Variants in UGP2 observed in about 807,000 individuals in gnomAD.
UGP2 encodes the protein UTP--glucose-1-phosphate uridylyltransferase.
UGP2 carries 40 observed loss-of-function variants against 49.0 expected under a neutral mutation model. That is an observed-to-expected ratio of 0.82 (90% CI 0.63 to 1.06). The LOEUF is 1.06. Ranked by LOEUF, UGP2 falls within the 50% of genes least tolerant of loss-of-function variation. The probability of loss-of-function intolerance (pLI) is 0.00; values close to 1 mark genes in which losing one functional copy is unlikely to be tolerated. For missense variants in UGP2, 460 were observed against 603.5 expected, an observed-to-expected ratio of 0.76 and a Z score of 2.49; for synonymous variants, 225 against 213.0, an observed-to-expected ratio of 1.06 and a Z score of -0.49.
intron 1 of UGP2, among the ~76,000 whole-genome samples, chr2:63,846,348 G>C (rs1372546686): frequency 1.3e-5 from 2 of 152,136 alleles, no homozygotes; most frequent in Middle Eastern, 3.2e-3. Context: ...CACTCTAAAT[G>C]TTTTGAAACT....
rs146199817 is a variant in UGP2 at position 63,845,891 on chromosome 2, A to G, written c.19+3687A>G. ...TCAAGCATATTGACCGTAAACTATT[A>G]GGTGGAAATGTTCAATTAATAAAAA... is the stretch of plus-strand genomic sequence containing the variant. On this transcript the variant is annotated intron_variant, in intron 1 of 9. Transcript: ENST00000337130. Among the ~76,000 whole-genome samples the G allele has an allele frequency of 3.7e-4, 56 of 152,328 alleles. 1 individual carries two copies. The highest frequency in any genetic ancestry group is 1.3e-3 in the African/African-American group (56 of 41,576).
At chr2:63,877,338 A>T (rs138272111) in intron 3 of UGP2, among the ~76,000 whole-genome samples, 170 of 152,378 alleles carry the variant, frequency 1.1e-3, no homozygotes, top group African/African-American at 4.0e-3. Flanking sequence ...TAACTGACTG[A>T]AGTGAAGCTC....
intron 9 of UGP2, among the ~76,000 whole-genome samples, 192 bp downstream of exon 9, chr2:63,890,377 T>C (rs374783873): frequency 1.3e-5 from 2 of 152,154 alleles, no homozygotes; most frequent in Admixed American, 6.6e-5. Context: ...CTAAAGATGA[T>C]TGAGTAAAAG....
At position 63,857,786 on chromosome 2, in the gene UGP2, T is replaced by A. The variant is rs753796881; in HGVS notation, c.148-43T>A. On this transcript the variant is annotated intron_variant, in intron 2 of 9. Coordinates refer to ENST00000337130, the MANE Select transcript of UGP2 (RefSeq NM_006759.4). ...TCTGTCTTTATGTTTTTATTAAATA[T>A]TAAGCATTCTGCTGGTTGTAACAAT... is the stretch of plus-strand genomic sequence containing the variant. 3.9e-6 allele frequency: 6 copies of A among 1,522,344 alleles called. No individual in the cohort carries two copies. In the South Asian group the frequency reaches 7.0e-5, roughly 18 times the overall value. The allele number at this position is 1,522,344 out of a possible 1,614,324, so 94.3% of individuals were successfully genotyped here.
chr2:63,869,573 G>A lies in UGP2; in HGVS notation c.255+11637G>A, dbSNP rs115534268. Among the ~76,000 whole-genome samples, 1,067 of 152,326 alleles carry A rather than the reference G, an allele frequency of 7.0e-3. 13 individuals carry two copies. Among genetic ancestry groups the A allele is most frequent in the African/African-American group, 0.021 (875 of 41,570 alleles). On this transcript the variant is annotated intron_variant, in intron 3 of 9. Transcript: ENST00000337130. Reference sequence around the variant, plus strand: ...CAAGTTTGGCTTCCTAGAGAGGACAGCGCAAAATTTAGGCTGAAAATGAGT... The same window carrying A: ...CAAGTTTGGCTTCCTAGAGAGGACAACGCAAAATTTAGGCTGAAAATGAGT...
At chr2:63,857,352 G>GTGTT (rs771945242) in intron 2 of UGP2, among the ~76,000 whole-genome samples, 2 of 151,764 alleles carry the variant, frequency 1.3e-5, no homozygotes, top group South Asian at 2.1e-4. Context: ...TAAACAAATG[G>GTGTT]TGTTTGTTTG....
At chr2:63,874,279 C>A (rs1335616545) in intron 3 of UGP2, among the ~76,000 whole-genome samples, 2 of 152,016 alleles carry the variant, frequency 1.3e-5, no homozygotes, top group African/African-American at 4.8e-5. Context: ...TGCTCAAATT[C>A]TTTTTTAAAA....
intron 7 of UGP2, 21 bp downstream of exon 7, chr2:63,886,559 A>C: frequency 6.2e-7 from 1 of 1,613,026 alleles, no homozygotes; most frequent in Non-Finnish European, 8.5e-7. Flanking sequence ...GTTGTGGCCC[A>C]TTGAGCTTCC....
chr2:63,842,023 C>G lies in UGP2; in HGVS notation c.-163C>G. 1.3e-6 allele frequency: 1 copy of G among 760,848 alleles called. No individual in the cohort carries two copies. Among genetic ancestry groups the G allele is most frequent in the Non-Finnish European group, 1.9e-6 (1 of 529,998 alleles). 47.1% of individuals were successfully genotyped at this position (760,848 alleles called of 1,614,324 possible). On this transcript the variant is annotated 5_prime_UTR_variant, in exon 1 of 10. Transcript: ENST00000337130. Reference sequence around the variant, plus strand: ...TTTCTTTCTTTTCTTTTTTCTTGAGCCAGTTTTAATCGCTTTGAATAAATA... The same window carrying G: ...TTTCTTTCTTTTCTTTTTTCTTGAGGCAGTTTTAATCGCTTTGAATAAATA...
chr2:63,867,629 G>A (rs1670268538), intron 3 of UGP2, among the ~76,000 whole-genome samples: 1 of 151,964 alleles, frequency 6.6e-6, no homozygotes, highest in Non-Finnish European at 1.5e-5. Flanking sequence ...AAAATTCTGT[G>A]ACTTTCATAT....
intron 3 of UGP2, among the ~76,000 whole-genome samples, chr2:63,872,732 A>T (rs1281716205): frequency 6.6e-6 from 1 of 151,568 alleles, no homozygotes; most frequent in African/African-American, 2.4e-5. Context: ...TCCCTTTAGC[A>T]TGTCCTTGGA....
chr2:63,888,276 G>GTACAGTACA (rs1400946990), intron 8 of UGP2: 1 of 152,870 alleles, frequency 6.5e-6, no homozygotes, highest in Admixed American at 6.5e-5. Context: ...GGAATAGCAA[G>GTACAGTACA]TACAGTACAT....
At chr2:63,885,188 AC>A (rs946947335) in intron 5 of UGP2, among the ~76,000 whole-genome samples, 4 of 151,530 alleles carry the variant, frequency 2.6e-5, no homozygotes, top group Admixed American at 2.0e-4. Flanking sequence ...AAAGAGATCC[AC>A]CCCTGAATAT....
At chr2:63,884,474 T>C (rs1162698165) in intron 5 of UGP2, among the ~76,000 whole-genome samples, 7 of 152,198 alleles carry the variant, frequency 4.6e-5, no homozygotes, top group Non-Finnish European at 5.9e-5. Flanking sequence ...CTTGGGGTAA[T>C]TTAATAAATT....
chr2:63,886,316 C>T (rs929782690), intron 6 of UGP2, 25 bp from the exon 7 acceptor site: 29 of 1,609,984 alleles, frequency 1.8e-5, no homozygotes, highest in Non-Finnish European at 2.5e-5. Context: ...GATGTGGAGG[C>T]ACTCACTATT....
chr2:63,886,609 C>T, intron 7 of UGP2, 71 bp downstream of exon 7: 1 of 1,525,398 alleles, frequency 6.6e-7, no homozygotes, highest in South Asian at 1.2e-5. Context: ...CAGACCCCAT[C>T]GCCCACTCCC....
chr2:63,855,753 C>A (rs1260666945), intron 1 of UGP2: 7 of 374,902 alleles, frequency 1.9e-5, no homozygotes, highest in Non-Finnish European at 3.2e-5. Flanking sequence ...TGTTGCCCAG[C>A]CTGGTCTCAA....
In UGP2 at chr2:63,859,396, G is replaced by A. The variant is rs77063644; in HGVS notation, c.255+1460G>A. 5.8e-3 allele frequency among the ~76,000 whole-genome samples: 879 copies of A among 152,170 alleles called. 13 individuals are homozygous for A. The highest frequency in any genetic ancestry group is 0.02 in the African/African-American group (822 of 41,496). On this transcript the variant is annotated intron_variant, in intron 3 of 9. Coordinates refer to ENST00000337130, the MANE Select transcript of UGP2 (RefSeq NM_006759.4). ...ACAGAGCCTACTTGAAGGAAGGTAC[G>A]CAGATTTATTATGTTCAATATATTT... is the stretch of plus-strand genomic sequence containing the variant.
At chr2:63,841,881 G>A, upstream of UGP2, 1 of 335,142 alleles carries the variant, frequency 3.0e-6, no homozygotes, top group Non-Finnish European at 5.4e-6. Flanking sequence ...AAGTTCGTGT[G>A]GTTTTACCTT....
Sources: allele counts gnomAD v4.1 joint callset (sites outside exome capture counted in the v4.1 genomes callset), GRCh38; gene constraint gnomAD v4.1.1; transcripts MANE v1.5; gene names NCBI Gene and HGNC (gene_info 2026-07-23, HGNC 2026-07-21).